Variants in STAG1 observed in about 807,000 individuals in gnomAD.
STAG1 encodes cohesin subunit SA-1.
In STAG1, 26 loss-of-function variants were observed where a neutral mutation model predicts 170.9. That is an observed-to-expected ratio of 0.15 (90% confidence interval 0.11 to 0.21). The LOEUF is 0.21. STAG1 is among the 10% of genes least tolerant of loss of function. The pLI is 1.00. For missense variants in STAG1, 964 were observed against 1,509.5 expected, an observed-to-expected ratio of 0.64 and a Z score of 5.99; for synonymous variants, 514 against 497.7, an observed-to-expected ratio of 1.03 and a Z score of -0.44.
intron 1 of STAG1, among the ~76,000 whole-genome samples, chr3:136,636,069 G>A (rs1368913866): frequency 1.3e-5 from 2 of 152,060 alleles, no homozygotes; most frequent in East Asian, 3.9e-4. Flanking sequence ...CCAACATGGT[G>A]AAACCCCATC....
At chr3:136,506,357 G>A (rs901540420) in intron 7 of STAG1, among the ~76,000 whole-genome samples, 2 of 151,842 alleles carry the variant, frequency 1.3e-5, no homozygotes, top group South Asian at 4.2e-4. Context: ...CAGGCCAGGC[G>A]AGGGGGCTCA....
intron 21 of STAG1, among the ~76,000 whole-genome samples, chr3:136,416,992 G>A (rs1004385712): frequency 1.5e-4 from 22 of 151,700 alleles, no homozygotes; most frequent in African/African-American, 4.4e-4. Flanking sequence ...GACTACAGGC[G>A]CATGCCACTG....
intron 4 of STAG1, among the ~76,000 whole-genome samples, chr3:136,582,980 A>C (rs1468770141): frequency 6.6e-6 from 1 of 152,162 alleles, no homozygotes; most frequent in Admixed American, 6.5e-5. Flanking sequence ...TTGTGCATAG[A>C]CTAGTGTCAG....
chr3:136,517,127 G>T (rs941495887), intron 7 of STAG1, among the ~76,000 whole-genome samples: 1 of 152,076 alleles, frequency 6.6e-6, no homozygotes, highest in Admixed American at 6.5e-5. Flanking sequence ...CAACCATAAG[G>T]TATAAAGAAA....
Position 136,428,873 on chromosome 3 carries a change from G to A in STAG1, c.1650+4683C>T, listed in dbSNP as rs547423513. Among the ~76,000 whole-genome samples the A allele has an allele frequency of 7.2e-4, 110 of 152,276 alleles. 1 individual carries two copies. Among genetic ancestry groups the A allele is most frequent in the Non-Finnish European group, 1.2e-3 (80 of 68,020 alleles). On this transcript the variant is annotated intron_variant, in intron 16 of 33. Transcript: ENST00000383202. ...ACACCAGCCAGGAATGAGGGCTCACGTCTGTAATCCCCGCACTGTGGGATG... is the reference window on the plus strand; with the variant it reads ...ACACCAGCCAGGAATGAGGGCTCACATCTGTAATCCCCGCACTGTGGGATG...
intron 6 of STAG1, among the ~76,000 whole-genome samples, chr3:136,536,626 G>A (rs191665732): frequency 7.8e-4 from 118 of 150,922 alleles, no homozygotes; most frequent in East Asian, 3.5e-3. Flanking sequence ...GCTTCAACTC[G>A]GGAGGCAGAA....
Position 136,747,962 on chromosome 3 carries a change from G to C in STAG1, c.-84+4233C>G, listed in dbSNP as rs976601301. Among the ~76,000 whole-genome samples, 11 of 151,686 alleles carry C rather than the reference G, an allele frequency of 7.3e-5. No individual in the cohort carries two copies. In the South Asian group the frequency reaches 1.7e-3, roughly 23 times the overall value. On this transcript the variant is annotated intron_variant, in intron 1 of 33. Coordinates refer to ENST00000383202, the MANE Select transcript of STAG1 (RefSeq NM_005862.3). ...CAGCTGATTTTTTCTATTTTTAGTA[G>C]AGACAGGGTTTCACCGTGTTGCCAG...
intron 1 of STAG1, among the ~76,000 whole-genome samples, chr3:136,734,108 C>CAAAAAAAAAAAA (rs11456348): frequency 2.9e-5 from 3 of 101,748 alleles, no homozygotes; most frequent in Non-Finnish European, 4.4e-5. Context: ...GACTCCATCT[C>CAAAAAAAAAAAA]AAAAAAAAAA....
intron 1 of STAG1, among the ~76,000 whole-genome samples, chr3:136,726,068 C>T (rs1933645670): frequency 6.6e-6 from 1 of 152,186 alleles, no homozygotes; most frequent in African/African-American, 2.4e-5. Flanking sequence ...AACAACCTAA[C>T]CCTCCCTCTT....
chr3:136,742,723 A>AG, intron 1 of STAG1, among the ~76,000 whole-genome samples: 1 of 152,096 alleles, frequency 6.6e-6, no homozygotes, highest in East Asian at 1.9e-4. Context: ...TCAAAAAAAA[A>AG]AAAAAGAAAA....
At chr3:136,536,071 A>C (rs1451492495) in intron 6 of STAG1, among the ~76,000 whole-genome samples, 1 of 152,220 alleles carries the variant, frequency 6.6e-6, no homozygotes, top group African/African-American at 2.4e-5. Context: ...TATCATGACT[A>C]ATCCAGATAG....
intron 13 of STAG1, among the ~76,000 whole-genome samples, chr3:136,463,735 A>ATGTGTGTGTG (rs140989476): frequency 0.024 from 2,405 of 101,168 alleles, 37 homozygotes; most frequent in East Asian, 0.12. Context: ...AAATGTGTAT[A>ATGTGTGTGTG]TGTGTGTGTG....
intron 1 of STAG1, among the ~76,000 whole-genome samples, chr3:136,684,949 C>T (rs1266709317): frequency 6.6e-6 from 1 of 152,026 alleles, no homozygotes; most frequent in Non-Finnish European, 1.5e-5. Flanking sequence ...CTAGATGACC[C>T]TGGGTTTGGA....
At chr3:136,382,466 T>C (rs1166853650) in intron 22 of STAG1, among the ~76,000 whole-genome samples, 1 of 150,872 alleles carries the variant, frequency 6.6e-6, no homozygotes, top group Non-Finnish European at 1.5e-5. Flanking sequence ...GCAGTGGCGC[T>C]ATCTCGGCTC....
intron 24 of STAG1, among the ~76,000 whole-genome samples, chr3:136,368,753 C>G (rs920008048): frequency 2.0e-5 from 3 of 152,110 alleles, no homozygotes; most frequent in Non-Finnish European, 2.9e-5. Flanking sequence ...AGGAAAAGAT[C>G]TGAGGTACAG....
intron 7 of STAG1, among the ~76,000 whole-genome samples, chr3:136,517,721 C>T (rs1032727708): frequency 7.2e-5 from 11 of 151,908 alleles, no homozygotes; most frequent in African/African-American, 2.4e-4. Context: ...AATTATGACA[C>T]AATGTTTCTT....
In STAG1 at chr3:136,452,125, G is replaced by T. The variant is rs917973172; in HGVS notation, c.1336C>A (p.Gln446Lys). ...HKKLFSRHDP[Q>K]AEEALAKRRG... ...CTCTTTGCTAATGCTTCTTCTGCTT[G>T]TGGGTCATGTCTGCTAAATAGCCTG... The change falls in exon 14 of 34, where the codon CAA (glutamine) becomes AAA (lysine). Residue 446 changes from glutamine to lysine, a missense_variant. Gln to Lys is a moderately conservative substitution (Grantham distance 53). Coordinates refer to ENST00000383202, the MANE Select transcript of STAG1 (RefSeq NM_005862.3). 29 of 1,612,976 alleles carry T rather than the reference G, an allele frequency of 1.8e-5. No individual in the cohort carries two copies. The highest frequency in any genetic ancestry group is 8.5e-6 in the Non-Finnish European group (10 of 1,179,680).
intron 22 of STAG1, among the ~76,000 whole-genome samples, chr3:136,385,847 G>A (rs1157580071): frequency 1.3e-5 from 2 of 151,906 alleles, no homozygotes; most frequent in African/African-American, 2.4e-5. Flanking sequence ...GAATATAGAT[G>A]TGTGCTACCA....
At chr3:136,524,144 A>G (rs1312102723) in intron 6 of STAG1, among the ~76,000 whole-genome samples, 3 of 152,186 alleles carry the variant, frequency 2.0e-5, no homozygotes, top group African/African-American at 7.2e-5. Context: ...AGTCATTGGT[A>G]GCTTGATGGG....
Sources: gnomAD v4.1 joint callset for allele counts (sites outside exome capture counted in the v4.1 genomes callset) on GRCh38, gnomAD v4.1.1 for gene constraint, MANE v1.5 for transcripts, NCBI Gene and HGNC (gene_info 2026-07-23, HGNC 2026-07-21) for gene names.